RSBN1L: variants seen among roughly 807,000 people sequenced by gnomAD.
The protein encoded by RSBN1L is round spermatid basic protein 1 like, also known as lysine-specific demethylase RSBN1L.
RSBN1L carries 30 observed loss-of-function variants against 67.7 expected under a neutral mutation model. That is an observed-to-expected ratio of 0.44 (90% CI 0.33 to 0.60). RSBN1L has a LOEUF of 0.60. Ranked by LOEUF, RSBN1L falls within the 20% of genes least tolerant of loss-of-function variation. RSBN1L has a pLI of 0.02. For synonymous variants in RSBN1L, 433 were observed against 387.0 expected, an observed-to-expected ratio of 1.12 and a Z score of -1.39; for missense variants, 992 against 1,031.7, an observed-to-expected ratio of 0.96 and a Z score of 0.53.
At chr7:77,763,363 G>A (rs1165472632) in intron 3 of RSBN1L, among the ~76,000 whole-genome samples, 1 of 151,970 alleles carries the variant, frequency 6.6e-6, no homozygotes, top group Non-Finnish European at 1.5e-5. Flanking sequence ...CTTTCTAAAT[G>A]GTTATCGTCT....
At chr7:77,703,724 G>A (rs1031030681) in intron 1 of RSBN1L, among the ~76,000 whole-genome samples, 5 of 151,958 alleles carry the variant, frequency 3.3e-5, no homozygotes, top group African/African-American at 1.2e-4. Context: ...CTAACCTCAG[G>A]TGATCTGCCT....
chr7:77,772,479 G>A (rs191165696), intron 5 of RSBN1L, among the ~76,000 whole-genome samples: 7 of 152,360 alleles, frequency 4.6e-5, no homozygotes, highest in African/African-American at 1.2e-4. Flanking sequence ...CAACTTCTGC[G>A]TGTATATGCA....
At chr7:77,763,047 T>C (rs1301420394) in intron 3 of RSBN1L, among the ~76,000 whole-genome samples, 1 of 152,160 alleles carries the variant, frequency 6.6e-6, no homozygotes, top group Non-Finnish European at 1.5e-5. Context: ...ATTATGGCTT[T>C]GTTAGAACTA....
intron 3 of RSBN1L, among the ~76,000 whole-genome samples, chr7:77,756,234 C>T (rs1180435515): frequency 3.3e-5 from 5 of 151,860 alleles, no homozygotes; most frequent in East Asian, 1.9e-4. Context: ...CGGGTTCAAG[C>T]GGTTCTCCTG....
At position 77,780,300 on chromosome 7, in the gene RSBN1L, A is replaced by T. The variant is rs190263098; in HGVS notation, c.*1132A>T. 6.6e-6 allele frequency: 1 copy of T among 152,194 alleles called. No homozygotes were observed. Among genetic ancestry groups the T allele is most frequent in the African/African-American group, 2.4e-5 (1 of 41,450 alleles). 9.4% of individuals were successfully genotyped at this position (152,194 alleles called of 1,614,324 possible). A position where few individuals can be genotyped will look rare whatever the true frequency, so the allele number is the denominator to read the frequency against. ...CCCTTCTCCCCAAAATACATTGAAAAAAGTTTTATATTAAACTATTAAGAA... is the reference window on the plus strand; with the variant it reads ...CCCTTCTCCCCAAAATACATTGAAATAAGTTTTATATTAAACTATTAAGAA... On this transcript the variant is annotated 3_prime_UTR_variant, in exon 8 of 8. Coordinates refer to ENST00000334955, the MANE Select transcript of RSBN1L (RefSeq NM_198467.3).
At chr7:77,733,398 G>T (rs997206961) in intron 1 of RSBN1L, among the ~76,000 whole-genome samples, 1 of 152,102 alleles carries the variant, frequency 6.6e-6, no homozygotes, top group Non-Finnish European at 1.5e-5. Context: ...TCTTGGCTTT[G>T]CCATTGTTTT....
At chr7:77,753,060 G>A (rs1314804051) in intron 3 of RSBN1L, among the ~76,000 whole-genome samples, 1 of 152,146 alleles carries the variant, frequency 6.6e-6, no homozygotes, top group Non-Finnish European at 1.5e-5. Flanking sequence ...CATATGGATG[G>A]ACATTTGAGT....
chr7:77,755,911 T>C (rs1248623463), intron 3 of RSBN1L, among the ~76,000 whole-genome samples: 1 of 152,194 alleles, frequency 6.6e-6, no homozygotes, highest in Admixed American at 6.5e-5. Context: ...TAATGCTTTC[T>C]ACAGAGCAGA....
At chr7:77,775,418 A>G (rs1791900597) in intron 6 of RSBN1L, among the ~76,000 whole-genome samples, 1 of 152,010 alleles carries the variant, frequency 6.6e-6, no homozygotes, top group Non-Finnish European at 1.5e-5. Context: ...AACGCCAGCT[A>G]TTTGGGAGGC....
intron 2 of RSBN1L, among the ~76,000 whole-genome samples, chr7:77,739,736 T>C (rs1033189342): frequency 1.2e-5 from 1 of 81,262 alleles, no homozygotes; most frequent in Admixed American, 1.6e-4. Context: ...AAAAAAAATG[T>C]GTCTTTTTTT....
chr7:77,747,423 G>T (rs1252904424), intron 2 of RSBN1L, among the ~76,000 whole-genome samples: 1 of 152,140 alleles, frequency 6.6e-6, no homozygotes, highest in Non-Finnish European at 1.5e-5. Flanking sequence ...CCTGGGCCAG[G>T]CCCAGGGCCC....
At chr7:77,753,327 T>C (rs1369112000) in intron 3 of RSBN1L, among the ~76,000 whole-genome samples, 4 of 152,236 alleles carry the variant, frequency 2.6e-5, no homozygotes, top group Non-Finnish European at 4.4e-5. Flanking sequence ...TTCTGGTGAC[T>C]ATGTAGTGGT....
rs1006236871 is a variant in RSBN1L at position 77,778,706 on chromosome 7, T to C, written c.2079T>C (p.Tyr693=). The C allele has an allele frequency of 2.5e-6, 4 of 1,614,080 alleles. No homozygotes were observed. Among genetic ancestry groups the C allele is most frequent in the Non-Finnish European group, 2.5e-6 (3 of 1,179,982 alleles). The change falls in exon 8 of 8, where the codon TAT becomes TAC. Residue 693 remains tyrosine, a synonymous_variant. Transcript: ENST00000334955. ...CATGGCATATTCGGCTCAAATTATA[T>C]CACTCAGAGGAGGACACTTCTCAGA... ...SLAWHIRLKL[Y]HSEEDTSQNT...
At chr7:77,732,498 A>G (rs1446555609) in intron 1 of RSBN1L, among the ~76,000 whole-genome samples, 1 of 152,026 alleles carries the variant, frequency 6.6e-6, no homozygotes, top group South Asian at 2.1e-4. Flanking sequence ...ATGCCCAGCT[A>G]ATTTTTTATA....
intron 2 of RSBN1L, among the ~76,000 whole-genome samples, chr7:77,744,786 G>A (rs981049597): frequency 6.6e-6 from 1 of 152,154 alleles, no homozygotes. Flanking sequence ...AATGAATAAT[G>A]TTGACAGATT....
chr7:77,764,977 A>G (rs879279833), intron 3 of RSBN1L, among the ~76,000 whole-genome samples: 17 of 152,190 alleles, frequency 1.1e-4, no homozygotes, highest in Admixed American at 8.5e-4. Context: ...AATAATAGGT[A>G]TATAAACTGG....
intron 4 of RSBN1L, chr7:77,768,270 TAATC>T (rs1388388604): frequency 6.4e-6 from 1 of 156,562 alleles, no homozygotes; most frequent in Non-Finnish European, 1.4e-5. Context: ...TAATTATCAT[TAATC>T]AAAGAGGTAT....
At chr7:77,702,432 TCTTA>T (rs1382867951) in intron 1 of RSBN1L, among the ~76,000 whole-genome samples, 4 of 152,218 alleles carry the variant, frequency 2.6e-5, no homozygotes, top group African/African-American at 7.2e-5. Context: ...TTTTGGTTTT[TCTTA>T]CTTATTTCTG....
rs544095414 is a variant in RSBN1L, at chr7:77,734,546, TG to T, written c.587-1862del. On this transcript the variant is annotated intron_variant, in intron 1 of 7. Coordinates refer to ENST00000334955, the MANE Select transcript of RSBN1L (RefSeq NM_198467.3). ...CTCTGCCACCCAGCCTGGAGTGCAG[TG>T]GCATGATCTCGGCTCACTGCAACCT... Among the ~76,000 whole-genome samples the T allele has an allele frequency of 7.3e-3, 1,102 of 151,982 alleles. 6 individuals carry two copies. The highest frequency in any genetic ancestry group is 0.012 in the Non-Finnish European group (808 of 67,966).
Sources: allele counts gnomAD v4.1 joint callset (sites outside exome capture counted in the v4.1 genomes callset), GRCh38; gene constraint gnomAD v4.1.1; transcripts MANE v1.5; gene names NCBI Gene and HGNC (gene_info 2026-07-23, HGNC 2026-07-21).